ADCY2: variants seen among roughly 807,000 people sequenced by gnomAD.
The protein encoded by ADCY2 is adenylate cyclase type 2.
In ADCY2, 31 loss-of-function variants were observed where a neutral mutation model predicts 125.2. The observed-to-expected ratio is 0.25, with a 90% confidence interval of 0.19 to 0.33. The LOEUF (loss-of-function observed/expected upper bound fraction) is 0.33. Among genes scored for constraint, ADCY2 ranks in the 10% least tolerant of loss-of-function variants. The probability of loss-of-function intolerance (pLI) is 1.00; values close to 1 mark genes in which losing one functional copy is unlikely to be tolerated. For synonymous variants in ADCY2, 512 were observed against 548.4 expected, an observed-to-expected ratio of 0.93 and a Z score of 0.93; for missense variants, 904 against 1,418.2, an observed-to-expected ratio of 0.64 and a Z score of 5.82.
At chr5:7,716,833 G>C (rs1006016799) in intron 11 of ADCY2, among the ~76,000 whole-genome samples, 2 of 152,142 alleles carry the variant, frequency 1.3e-5, no homozygotes, top group Non-Finnish European at 2.9e-5. Context: ...AAGAGAGGTT[G>C]GTCAGTGGGC....
chr5:7,400,274 G>A (rs1392790023), intron 1 of ADCY2, among the ~76,000 whole-genome samples: 1 of 152,114 alleles, frequency 6.6e-6, no homozygotes, highest in Non-Finnish European at 1.5e-5. Context: ...ATAAGAGTAT[G>A]CACTTTTATT....
Position 7,768,281 on chromosome 5 carries a change from A to G in ADCY2, c.2214+1475A>G, listed in dbSNP as rs534992949. Among the ~76,000 whole-genome samples the G allele has an allele frequency of 2.0e-5, 3 of 152,344 alleles. No homozygotes were observed. The East Asian group carries it at 5.8e-4, about 29-fold the overall frequency. Reference sequence around the variant, plus strand: ...ATGTGAAAAGTGAAAAGCTAGAGTCATTGTGAGAGTTTATTGACTGTAATC... The same window carrying G: ...ATGTGAAAAGTGAAAAGCTAGAGTCGTTGTGAGAGTTTATTGACTGTAATC... On this transcript the variant is annotated intron_variant, in intron 17 of 24. Transcript: ENST00000338316.
intron 14 of ADCY2, among the ~76,000 whole-genome samples, chr5:7,742,717 G>C (rs1194614057): frequency 6.6e-6 from 1 of 152,208 alleles, no homozygotes; most frequent in African/African-American, 2.4e-5. Context: ...GCACCTGCAG[G>C]AGGATGTCAG....
At chr5:7,679,725 C>T (rs149323872) in intron 4 of ADCY2, among the ~76,000 whole-genome samples, 29 of 152,306 alleles carry the variant, frequency 1.9e-4, no homozygotes, top group African/African-American at 4.3e-4. Flanking sequence ...AGATTATAAA[C>T]GGAGGGACAG....
chr5:7,824,399 T>C (rs1455412590), intron 24 of ADCY2, among the ~76,000 whole-genome samples: 1 of 152,054 alleles, frequency 6.6e-6, no homozygotes, highest in Non-Finnish European at 1.5e-5. Flanking sequence ...TGAACACCAG[T>C]GGATAGTTTT....
intron 23 of ADCY2, among the ~76,000 whole-genome samples, chr5:7,819,348 T>G (rs1214368917): frequency 6.6e-6 from 1 of 152,196 alleles, no homozygotes; most frequent in African/African-American, 2.4e-5. Context: ...ATTATCAAAC[T>G]TATATAGACC....
chr5:7,398,758 C>T (rs112911863), intron 1 of ADCY2, among the ~76,000 whole-genome samples: 4 of 152,204 alleles, frequency 2.6e-5, no homozygotes, highest in Non-Finnish European at 4.4e-5. Context: ...AGGACCAAGT[C>T]GGAAGGAGCT....
At chr5:7,451,027 C>A (rs938056508) in intron 2 of ADCY2, among the ~76,000 whole-genome samples, 28 of 152,200 alleles carry the variant, frequency 1.8e-4, no homozygotes, top group Middle Eastern at 3.2e-3. Context: ...CCTGATCACC[C>A]AAGAGCTCTG....
At position 7,695,864 on chromosome 5, in the gene ADCY2, G is replaced by A; in HGVS notation, c.981+1G>A. On this transcript the variant is annotated splice_donor_variant, in intron 6 of 24. Transcript: ENST00000338316. LOFTEE classifies it high-confidence loss of function. ...TGGAAAGTTTGATCAAATTGCAAAG[G>A]TGAGTATTATGGATTCTTTTCTTCT... 6.3e-7 allele frequency: 1 copy of A among 1,599,260 alleles called. No individual in the cohort carries two copies. The highest frequency in any genetic ancestry group is 8.6e-7 in the Non-Finnish European group (1 of 1,168,614).
intron 3 of ADCY2, among the ~76,000 whole-genome samples, chr5:7,613,570 A>G (rs888681842): frequency 6.6e-6 from 1 of 152,216 alleles, no homozygotes; most frequent in Non-Finnish European, 1.5e-5. Flanking sequence ...CTGGCACATC[A>G]GTGTGTTCAT....
intron 2 of ADCY2, among the ~76,000 whole-genome samples, chr5:7,464,687 T>C (rs539634043): frequency 1.3e-5 from 2 of 152,178 alleles, no homozygotes; most frequent in Admixed American, 1.3e-4. Context: ...TGATTGAACA[T>C]TGGATGTGAA....
At chr5:7,637,521 C>T (rs1300258758) in intron 4 of ADCY2, among the ~76,000 whole-genome samples, 1 of 151,194 alleles carries the variant, frequency 6.6e-6, no homozygotes, top group Non-Finnish European at 1.5e-5. Context: ...TAAATAATCA[C>T]AGCTGTAGTC....
intron 11 of ADCY2, among the ~76,000 whole-genome samples, chr5:7,714,094 G>A (rs1741524140): frequency 6.6e-6 from 1 of 152,168 alleles, no homozygotes; most frequent in South Asian, 2.1e-4. Context: ...GGATAATTTG[G>A]TTCTTGAGCT....
At chr5:7,560,405 G>A (rs1735671616) in intron 3 of ADCY2, among the ~76,000 whole-genome samples, 1 of 152,080 alleles carries the variant, frequency 6.6e-6, no homozygotes, top group Non-Finnish European at 1.5e-5. Context: ...CCTTTTGAAT[G>A]TTTTCAATTT....
intron 4 of ADCY2, among the ~76,000 whole-genome samples, chr5:7,637,247 A>T (rs893464041): frequency 6.6e-6 from 1 of 152,122 alleles, no homozygotes; most frequent in Non-Finnish European, 1.5e-5. Flanking sequence ...AGGCAGGCGG[A>T]TCACCTGAGG....
chr5:7,654,178 C>T, intron 4 of ADCY2: 1 of 454,790 alleles, frequency 2.2e-6, no homozygotes, highest in Non-Finnish European at 4.4e-6. Context: ...GATGGCGCAT[C>T]CAGCGAGAGG....
At chr5:7,708,676 T>C (rs897723465) in intron 9 of ADCY2, among the ~76,000 whole-genome samples, 2 of 152,208 alleles carry the variant, frequency 1.3e-5, no homozygotes, top group Non-Finnish European at 2.9e-5. Context: ...TGGTAGCATC[T>C]GGGAAGCCCC....
rs2111426972 is a variant in ADCY2 at position 7,396,901 on chromosome 5, T to G, written c.210+395T>G. ...TGGGCTTCCTGGGCGAGTCGCTGTC[T>G]CCTGCCCGGTTCCACTGGCATGGCC... On this transcript the variant is annotated intron_variant, in intron 1 of 24. Transcript: ENST00000338316. The surrounding 1 kb of genome is among the most constrained non-coding windows in gnomAD (Gnocchi z 5.7). Among the ~76,000 whole-genome samples the G allele has an allele frequency of 6.6e-6, 1 of 152,304 alleles. No individual in the cohort carries two copies. Among genetic ancestry groups the G allele is most frequent in the East Asian group, 1.9e-4 (1 of 5,164 alleles).
At chr5:7,414,476 A>C in intron 1 of ADCY2, 97 bp from the exon 2 acceptor site, 1 of 1,038,772 alleles carries the variant, frequency 9.6e-7, no homozygotes, top group East Asian at 2.6e-5. Flanking sequence ...ATATATTCTG[A>C]CATTGACAAG....
Sources: allele counts gnomAD v4.1 joint callset (sites outside exome capture counted in the v4.1 genomes callset), GRCh38; gene constraint gnomAD v4.1.1; non-coding constraint Gnocchi (gnomAD v3.1); transcripts MANE v1.5; gene names NCBI Gene and HGNC (gene_info 2026-07-23, HGNC 2026-07-21).